The following FKBP15 variants were observed in gnomAD, a reference collection of about 807,000 sequenced individuals.
FKBP15 encodes the protein FKBP prolyl isomerase family member 15, also known as FK506-binding protein 15.
A neutral mutation model predicts 158.1 loss-of-function variants in FKBP15; 106 were observed. That is an observed-to-expected ratio of 0.67 (90% CI 0.57 to 0.79). The LOEUF (loss-of-function observed/expected upper bound fraction) is 0.79, where lower values mean the gene tolerates loss of function less well. Ranked by LOEUF, FKBP15 falls within the 30% of genes least tolerant of loss-of-function variation. FKBP15 has a pLI of 0.00. For synonymous variants in FKBP15, 547 were observed against 548.6 expected (o/e 1.00, Z 0.04); for missense variants, 1,287 against 1,479.1 (o/e 0.87, Z 2.13).
intron 19 of FKBP15, among the ~76,000 whole-genome samples, chr9:113,180,192 T>C (rs1305492133): frequency 7.2e-5 from 11 of 152,210 alleles, no homozygotes; most frequent in Admixed American, 6.5e-4. Context: ...AAAAGCTCTT[T>C]TTATCTCAGG....
chr9:113,182,561 T>C (rs1317550417), intron 19 of FKBP15, among the ~76,000 whole-genome samples: 2 of 152,230 alleles, frequency 1.3e-5, no homozygotes, highest in Non-Finnish European at 2.9e-5. Flanking sequence ...AGATCAGTGA[T>C]TATTTTTGAG....
intron 4 of FKBP15, among the ~76,000 whole-genome samples, chr9:113,204,924 T>C (rs914574637): frequency 1.4e-5 from 2 of 144,514 alleles, no homozygotes; most frequent in Non-Finnish European, 3.1e-5. Context: ...GCCTTGTATG[T>C]TAACTGCAAT....
intron 5 of FKBP15, 73 bp from the exon 6 acceptor site, chr9:113,202,702 T>C (rs1442627988): frequency 2.7e-5 from 33 of 1,216,104 alleles, no homozygotes; most frequent in Non-Finnish European, 3.5e-5. Flanking sequence ...CCTAAGCTCA[T>C]AGAGTAGGGT....
At position 113,166,018 on chromosome 9, in the gene FKBP15, G is replaced by A; in HGVS notation, c.*60C>T. 2 of 1,525,746 alleles carry A rather than the reference G, an allele frequency of 1.3e-6. No individual in the cohort carries two copies. Among genetic ancestry groups the A allele is most frequent in the East Asian group, 2.4e-5 (1 of 42,536 alleles). 94.5% of individuals were successfully genotyped at this position (1,525,746 alleles called of 1,614,324 possible). Reference sequence around the variant, plus strand: ...GGTTCGCCTAGACCCAGGGTTGGCTGTGCAAAATCATGCTTAGGGAAGGGT... The same window carrying A: ...GGTTCGCCTAGACCCAGGGTTGGCTATGCAAAATCATGCTTAGGGAAGGGT... On this transcript the variant is annotated 3_prime_UTR_variant, in exon 28 of 28. Transcript: ENST00000238256.
rs1221422690 is a variant in FKBP15 at position 113,206,587 on chromosome 9, G to A, written c.255-9C>T. 2 of 1,606,152 alleles carry A rather than the reference G, an allele frequency of 1.2e-6. No individual in the cohort carries two copies. The highest frequency in any genetic ancestry group is 2.2e-5 in the South Asian group (2 of 90,894). ...CATATTGACCATTTGTGCTATAAAA[G>A]GAAGAGAAACAACAAGTATTAATAC... On this transcript the variant is annotated splice_polypyrimidine_tract_variant and intron_variant, in intron 3 of 27. Transcript: ENST00000238256.
In FKBP15 at chr9:113,161,470, G is replaced by A; in HGVS notation, c.*4608C>T. On this transcript the variant is annotated 3_prime_UTR_variant, in exon 28 of 28. Coordinates refer to ENST00000238256, the MANE Select transcript of FKBP15 (RefSeq NM_015258.2). ...GAGGTGCTGGAAGGGAAACAGTGCT[G>A]GCCTGGCCAGGTCTCCACAACTCTG... The A allele has an allele frequency of 1.3e-6, 2 of 1,598,704 alleles. No homozygotes were observed. Among genetic ancestry groups the A allele is most frequent in the Non-Finnish European group, 1.7e-6 (2 of 1,167,344 alleles).
intron 2 of FKBP15, among the ~76,000 whole-genome samples, chr9:113,208,891 A>T (rs1830947597): frequency 6.6e-6 from 1 of 151,390 alleles, no homozygotes; most frequent in African/African-American, 2.4e-5. Context: ...CTGGAGTCCC[A>T]GGTACTTGGG....
chr9:113,220,276 T>G (rs563514047), intron 1 of FKBP15, among the ~76,000 whole-genome samples: 6 of 152,334 alleles, frequency 3.9e-5, no homozygotes, highest in African/African-American at 1.4e-4. Context: ...CGCACAAAAT[T>G]TGTTAAGCAT....
At position 113,178,762 on chromosome 9, in the gene FKBP15, C is replaced by A; in HGVS notation, c.1954G>T (p.Val652Phe). The change falls in exon 20 of 28, where the codon GTC becomes TTC. Residue 652 changes from valine to phenylalanine, a missense_variant. By Grantham distance (50) the Val-to-Phe change is conservative. Transcript: ENST00000238256. ...TEELAAATAQ[V>F]SHLQLKMTAH... ...GTCATTTTCAGCTGCAGATGAGAGA[C>A]CTGTGCAGTGGCCGCTGCTAACTCC... 3 of 1,609,866 alleles carry A rather than the reference C, an allele frequency of 1.9e-6. No homozygotes were observed. The highest frequency in any genetic ancestry group is 2.5e-6 in the Non-Finnish European group (3 of 1,178,022).
rs1436123069 is a variant in FKBP15 at position 113,196,940 on chromosome 9, C to T, written c.856G>A (p.Val286Ile). 6.2e-7 allele frequency: 1 copy of T among 1,613,970 alleles called. No homozygotes were observed. Among genetic ancestry groups the T allele is most frequent in the Non-Finnish European group, 8.5e-7 (1 of 1,179,844 alleles). ...TDSILVFEVE[V>I]RRVKFARDSG... Reference sequence around the variant, plus strand: ...CAGAGAGTTTCACTCACCCGCCTAACCTCCACCTCGAACACCAGGATCGAG... The same window carrying T: ...CAGAGAGTTTCACTCACCCGCCTAATCTCCACCTCGAACACCAGGATCGAG... Residue 286 changes from valine to isoleucine, a missense_variant, in exon 9 of 28, where the codon GTT (valine) becomes ATT (isoleucine). Val to Ile is a conservative substitution (Grantham distance 29, BLOSUM62 3). Coordinates refer to ENST00000238256, the MANE Select transcript of FKBP15 (RefSeq NM_015258.2).
At chr9:113,194,482 AG>A (rs1258738258) in intron 9 of FKBP15, among the ~76,000 whole-genome samples, 3 of 151,356 alleles carry the variant, frequency 2.0e-5, no homozygotes, top group Non-Finnish European at 4.4e-5. Flanking sequence ...CAGGTGGAAT[AG>A]GTTACAAATA....
chr9:113,166,220 G>T, intron 27 of FKBP15, 65 bp from the exon 28 acceptor site: 1 of 1,397,774 alleles, frequency 7.2e-7, no homozygotes, highest in Non-Finnish European at 1.0e-6. Context: ...TTCCACCTGT[G>T]AGTGGAAGCA....
chr9:113,186,213 A>G (rs754664595), intron 15 of FKBP15, 36 bp downstream of exon 15: 17 of 1,418,238 alleles, frequency 1.2e-5, no homozygotes, highest in Admixed American at 2.0e-5. Context: ...GCACAGCAAG[A>G]GCGGAAGATG....
At chr9:113,194,446 AAATT>A (rs1830633913) in intron 9 of FKBP15, among the ~76,000 whole-genome samples, 1 of 148,724 alleles carries the variant, frequency 6.7e-6, no homozygotes, top group Non-Finnish European at 1.5e-5. Flanking sequence ...AATAATAAAT[AAATT>A]AAAAAAAAAA....
chr9:113,193,413 G>A, intron 11 of FKBP15, 79 bp downstream of exon 11: 2 of 1,184,060 alleles, frequency 1.7e-6, no homozygotes, highest in Non-Finnish European at 2.4e-6. Context: ...GCACTGTAGT[G>A]ATCCTCCTGC....
intron 23 of FKBP15, among the ~76,000 whole-genome samples, chr9:113,171,979 C>T (rs1830220803): frequency 6.6e-6 from 1 of 151,992 alleles, no homozygotes; most frequent in African/African-American, 2.4e-5. Context: ...GGTATTTCTC[C>T]TAATGCTATC....
intron 15 of FKBP15, among the ~76,000 whole-genome samples, chr9:113,185,839 A>T (rs1011144883): frequency 1.3e-5 from 2 of 152,212 alleles, no homozygotes; most frequent in Non-Finnish European, 2.9e-5. Context: ...CATTAGAGAT[A>T]CTAAACACCT....
At chr9:113,202,884 A>G (rs1199540546) in intron 5 of FKBP15, 77 bp downstream of exon 5, 3 of 1,180,926 alleles carry the variant, frequency 2.5e-6, no homozygotes, top group African/African-American at 3.0e-5. Context: ...TCTAATTTCT[A>G]TTAGGTACAA....
chr9:113,190,997 C>T (rs1342151875), intron 11 of FKBP15, among the ~76,000 whole-genome samples: 1 of 152,130 alleles, frequency 6.6e-6, no homozygotes, highest in Non-Finnish European at 1.5e-5. Flanking sequence ...AACAGGAGCT[C>T]TTTGTTTTAA....
Sources: allele counts gnomAD v4.1 joint callset (sites outside exome capture counted in the v4.1 genomes callset), GRCh38; gene constraint gnomAD v4.1.1; transcripts MANE v1.5; gene names NCBI Gene and HGNC (gene_info 2026-07-23, HGNC 2026-07-21).